Variants in SLC2A13 observed in about 807,000 individuals in gnomAD.
The protein encoded by SLC2A13 is proton myo-inositol cotransporter.
In SLC2A13, 32 loss-of-function variants were observed where a neutral mutation model predicts 64.4. The ratio of observed to expected loss-of-function variants is 0.50; its 90% CI spans 0.37 to 0.67. The LOEUF (loss-of-function observed/expected upper bound fraction) is 0.67, where lower values mean the gene tolerates loss of function less well. Ranked by LOEUF, SLC2A13 falls within the 30% of genes least tolerant of loss-of-function variation. SLC2A13 has a pLI of 0.00. For missense variants in SLC2A13, 743 were observed against 829.2 expected (o/e 0.90, Z 1.28); for synonymous variants, 338 against 327.1 (o/e 1.03, Z -0.36).
At chr12:39,789,244 G>A (rs1001438195) in intron 7 of SLC2A13, among the ~76,000 whole-genome samples, 11 of 151,762 alleles carry the variant, frequency 7.2e-5, no homozygotes, top group Admixed American at 5.3e-4. Flanking sequence ...TATTTTCTAC[G>A]CATGTACTCC....
intron 4 of SLC2A13, among the ~76,000 whole-genome samples, chr12:39,933,335 A>G (rs1242386138): frequency 1.3e-5 from 2 of 152,226 alleles, no homozygotes; most frequent in East Asian, 3.8e-4. Flanking sequence ...AAGGATGAGC[A>G]TGGATGCAGG....
intron 2 of SLC2A13, among the ~76,000 whole-genome samples, chr12:40,038,974 C>A (rs1948036788): frequency 6.6e-6 from 1 of 151,040 alleles, no homozygotes; most frequent in African/African-American, 2.5e-5. Context: ...CTCAATTTGC[C>A]CATTTTTTTA....
intron 4 of SLC2A13, among the ~76,000 whole-genome samples, chr12:39,938,973 G>GA (rs1945970994): frequency 6.6e-6 from 1 of 152,088 alleles, no homozygotes; most frequent in African/African-American, 2.4e-5. Flanking sequence ...GGAAAGCCTG[G>GA]AGGAAGTGCA....
chr12:39,946,143 G>A (rs1259453814), intron 4 of SLC2A13, among the ~76,000 whole-genome samples: 3 of 152,172 alleles, frequency 2.0e-5, no homozygotes, highest in Admixed American at 6.5e-5. Flanking sequence ...GTCTAGCCAC[G>A]CAGCGAGTCT....
At chr12:39,910,189 A>G (rs1333911021) in intron 4 of SLC2A13, among the ~76,000 whole-genome samples, 2 of 151,858 alleles carry the variant, frequency 1.3e-5, no homozygotes, top group Non-Finnish European at 2.9e-5. Flanking sequence ...CACCCTAGCA[A>G]CCCTAGAAAG....
chr12:39,946,066 C>G (rs1329748018), intron 4 of SLC2A13, among the ~76,000 whole-genome samples: 1 of 152,222 alleles, frequency 6.6e-6, no homozygotes. Flanking sequence ...ATGTAATACT[C>G]TCCCCCTTTT....
intron 2 of SLC2A13, among the ~76,000 whole-genome samples, chr12:40,041,424 G>C (rs2136230313): frequency 6.6e-6 from 1 of 152,142 alleles, no homozygotes; most frequent in East Asian, 1.9e-4. Context: ...ACTGTACCTG[G>C]AATTCTTTTA....
chr12:39,766,774 C>T (rs1330498828), intron 7 of SLC2A13, among the ~76,000 whole-genome samples: 3 of 152,076 alleles, frequency 2.0e-5, no homozygotes, highest in Admixed American at 2.0e-4. Context: ...TCAGAAACTA[C>T]TTTCTTTGTT....
chr12:39,907,155 A>G (rs1945309416), intron 4 of SLC2A13, among the ~76,000 whole-genome samples: 1 of 152,088 alleles, frequency 6.6e-6, no homozygotes, highest in South Asian at 2.1e-4. Flanking sequence ...TTTTCTTTGT[A>G]TTTCAAAATA....
rs1940009893 is a variant in SLC2A13 at position 39,757,889 on chromosome 12, G to A, written c.*2137C>T. On this transcript the variant is annotated 3_prime_UTR_variant, in exon 10 of 10. Transcript: ENST00000280871. ...CATATACAATAAAGAGAAGGATTGAGGCAATTATTTTGATTAAGTCCAAAA... is the reference window on the plus strand; with the variant it reads ...CATATACAATAAAGAGAAGGATTGAAGCAATTATTTTGATTAAGTCCAAAA... 2 of 152,048 alleles carry A rather than the reference G, an allele frequency of 1.3e-5. No individual in the cohort carries two copies. The highest frequency in any genetic ancestry group is 4.2e-4 in the South Asian group (2 of 4,812). 9.4% of individuals were successfully genotyped at this position (152,048 alleles called of 1,614,324 possible).
chr12:39,991,282 T>G (rs1332991373), intron 3 of SLC2A13, among the ~76,000 whole-genome samples: 3 of 152,096 alleles, frequency 2.0e-5, no homozygotes, highest in Admixed American at 2.0e-4. Context: ...GGTTAAAGCT[T>G]TTTCCTTCAT....
intron 1 of SLC2A13, among the ~76,000 whole-genome samples, chr12:40,079,551 A>G (rs1388245314): frequency 6.6e-6 from 1 of 152,192 alleles, no homozygotes; most frequent in East Asian, 1.9e-4. Flanking sequence ...AGTATGTGCC[A>G]TGTGCAGGTG....
chr12:39,950,237 T>C (rs1209555622), intron 4 of SLC2A13: 2 of 152,046 alleles, frequency 1.3e-5, no homozygotes, highest in Non-Finnish European at 2.9e-5. Flanking sequence ...ACTCATCATA[T>C]CTCAAGTAAT....
chr12:39,937,895 T>C (rs1468982808), intron 4 of SLC2A13, among the ~76,000 whole-genome samples: 1 of 152,172 alleles, frequency 6.6e-6, no homozygotes, highest in Non-Finnish European at 1.5e-5. Context: ...GAAAAGAACA[T>C]ATCTAATATT....
intron 3 of SLC2A13, among the ~76,000 whole-genome samples, chr12:40,024,559 A>G (rs1156998971): frequency 6.6e-6 from 1 of 152,184 alleles, no homozygotes; most frequent in South Asian, 2.1e-4. Flanking sequence ...CATTCCCTCT[A>G]TAAGCATTTT....
rs768646084 is a variant in SLC2A13, at chr12:40,048,251, A to G, written c.557-41T>C. ...AAAGTAAATGTGAGACATTTACTCAAGATTTCTGTTGCAATAAATACTAAT... is the reference window on the plus strand; with the variant it reads ...AAAGTAAATGTGAGACATTTACTCAGGATTTCTGTTGCAATAAATACTAAT... On this transcript the variant is annotated intron_variant, in intron 1 of 9. Transcript: ENST00000280871. The G allele has an allele frequency of 4.9e-5, 76 of 1,557,080 alleles. No homozygotes were observed. The South Asian group carries it at 7.9e-4, about 16-fold the overall frequency.
chr12:40,066,853 A>G (rs1158568315), intron 1 of SLC2A13, among the ~76,000 whole-genome samples: 5 of 152,220 alleles, frequency 3.3e-5, no homozygotes, highest in African/African-American at 1.2e-4. Context: ...ATAACTATCA[A>G]AAGCTAAATC....
chr12:39,879,155 A>T (rs1944274067), intron 4 of SLC2A13, among the ~76,000 whole-genome samples: 1 of 152,228 alleles, frequency 6.6e-6, no homozygotes, highest in Non-Finnish European at 1.5e-5. Context: ...CTCTGCCAAG[A>T]TTTTGGAGGA....
rs192195202 is a variant in SLC2A13, at chr12:39,825,997, T to G, written c.1445+4106A>C. On this transcript the variant is annotated intron_variant, in intron 7 of 9. Coordinates refer to ENST00000280871, the MANE Select transcript of SLC2A13 (RefSeq NM_052885.4). Reference sequence around the variant, plus strand: ...GCTAAACTAGAAGGGGTGATAAATATCTTTCTGTTGTTTTGTAGTTTTATT... The same window carrying G: ...GCTAAACTAGAAGGGGTGATAAATAGCTTTCTGTTGTTTTGTAGTTTTATT... Among the ~76,000 whole-genome samples, 441 of 152,256 alleles carry G rather than the reference T, an allele frequency of 2.9e-3. 2 individuals are homozygous for G. Among genetic ancestry groups the G allele is most frequent in the African/African-American group, 1.0e-2 (415 of 41,580 alleles).
Sources: gnomAD v4.1 joint callset for allele counts (sites outside exome capture counted in the v4.1 genomes callset) on GRCh38, gnomAD v4.1.1 for gene constraint, MANE v1.5 for transcripts, NCBI Gene and HGNC (gene_info 2026-07-23, HGNC 2026-07-21) for gene names.